ETF1: variants seen among roughly 807,000 people sequenced by gnomAD.
ETF1 encodes eukaryotic translation termination factor 1, also known as eukaryotic peptide chain release factor subunit 1.
In ETF1, 4 loss-of-function variants were observed where a neutral mutation model predicts 55.1. That is an observed-to-expected ratio of 0.07 (90% CI 0.04 to 0.17). ETF1 has a LOEUF of 0.17. Among genes scored for constraint, ETF1 ranks in the 10% least tolerant of loss-of-function variants. ETF1 has a pLI of 1.00. For synonymous variants in ETF1, 157 were observed against 182.3 expected, an observed-to-expected ratio of 0.86 and a Z score of 1.12; for missense variants, 142 against 523.6, an observed-to-expected ratio of 0.27 and a Z score of 7.11.
At chr5:138,513,066 C>A in intron 5 of ETF1, 112 bp from the exon 6 acceptor site, 1 of 1,392,266 alleles carries the variant, frequency 7.2e-7, no homozygotes, top group South Asian at 1.8e-5. Flanking sequence ...AAAGAAAAAT[C>A]ACCATTCCCT....
chr5:138,515,056 C>T (rs1186774647), intron 4 of ETF1, among the ~76,000 whole-genome samples: 3 of 152,202 alleles, frequency 2.0e-5, no homozygotes, highest in South Asian at 2.1e-4. Context: ...AAAATAGCCC[C>T]TTCAATAATT....
intron 9 of ETF1, 64 bp downstream of exon 9, chr5:138,510,501 C>G (rs1764730262): frequency 7.8e-7 from 1 of 1,281,580 alleles, no homozygotes; most frequent in Admixed American, 1.7e-5. Flanking sequence ...CTCTACACAG[C>G]CAGTACTCTA....
chr5:138,519,429 C>T (rs1345379269), intron 2 of ETF1, among the ~76,000 whole-genome samples: 1 of 151,540 alleles, frequency 6.6e-6, no homozygotes, highest in Non-Finnish European at 1.5e-5. Context: ...TTTGGGAGGC[C>T]GAGGCGGGCG....
Position 138,540,504 on chromosome 5 carries a change from T to A in ETF1, c.86+2329A>T, listed in dbSNP as rs1197118825. On this transcript the variant is annotated intron_variant, in intron 2 of 10. Transcript: ENST00000360541. ...ATCTAGAGTCTGACTTTAACACAAG[T>A]TGGCAATGAAAATATTCCCACCTCC... is the stretch of plus-strand genomic sequence containing the variant. 3.9e-5 allele frequency among the ~76,000 whole-genome samples: 6 copies of A among 152,320 alleles called. No individual in the cohort carries two copies. The South Asian group carries it at 1.2e-3, about 32-fold the overall frequency.
At chr5:138,536,561 C>T (rs1765941053) in intron 2 of ETF1, among the ~76,000 whole-genome samples, 1 of 152,162 alleles carries the variant, frequency 6.6e-6, no homozygotes, top group African/African-American at 2.4e-5. Context: ...AGATAGTAGG[C>T]TGCTGAAGAA....
At chr5:138,521,557 G>C (rs982443052) in intron 2 of ETF1, among the ~76,000 whole-genome samples, 1 of 152,052 alleles carries the variant, frequency 6.6e-6, no homozygotes, top group African/African-American at 2.4e-5. Flanking sequence ...ATGGAGTCTT[G>C]CTCTTGTTGC....
chr5:138,531,081 C>T (rs1235450671), intron 2 of ETF1, among the ~76,000 whole-genome samples: 6 of 152,130 alleles, frequency 3.9e-5, no homozygotes, highest in Non-Finnish European at 8.8e-5. Context: ...AAACTTAATC[C>T]CCACTGCAAT....
intron 2 of ETF1, among the ~76,000 whole-genome samples, chr5:138,520,039 G>C (rs1251285852): frequency 7.0e-6 from 1 of 143,612 alleles, no homozygotes; most frequent in Non-Finnish European, 1.5e-5. Context: ...TGGAAAACCA[G>C]AAACATAAGA....
chr5:138,516,763 C>A, intron 4 of ETF1, among the ~76,000 whole-genome samples: 1 of 152,166 alleles, frequency 6.6e-6, no homozygotes, highest in East Asian at 1.9e-4. Context: ...AAAAGTTAAA[C>A]ATAATTACTA....
In ETF1 at chr5:138,518,908, T is replaced by C. The variant is rs754837909; in HGVS notation, c.87-41A>G. The C allele has an allele frequency of 6.2e-6, 10 of 1,602,040 alleles. No homozygotes were observed. The Admixed American group carries it at 8.4e-5, about 13-fold the overall frequency. ...TAACTCATTAGGGATTTAAATATCA[T>C]GTAAGTAAACTCATGTTTCTCTCTG... On this transcript the variant is annotated intron_variant, in intron 2 of 10. Coordinates refer to ENST00000360541, the MANE Select transcript of ETF1 (RefSeq NM_004730.4).
chr5:138,529,325 C>T (rs1765601297), intron 2 of ETF1, among the ~76,000 whole-genome samples: 1 of 152,114 alleles, frequency 6.6e-6, no homozygotes, highest in African/African-American at 2.4e-5. Flanking sequence ...TGAATACTTC[C>T]ATGTCTTTTA....
chr5:138,508,618 C>T, intron 10 of ETF1, 51 bp downstream of exon 10: 3 of 1,607,304 alleles, frequency 1.9e-6, no homozygotes, highest in Non-Finnish European at 2.5e-6. Flanking sequence ...CCAGGAGGGA[C>T]CTTGACCTGA....
intron 2 of ETF1, among the ~76,000 whole-genome samples, chr5:138,523,535 C>CA (rs141803450): frequency 1.2e-3 from 183 of 151,524 alleles, no homozygotes; most frequent in Middle Eastern, 3.4e-3. Flanking sequence ...TGTCTCAAAA[C>CA]AAAAAAAACA....
chr5:138,508,827 G>A lies in ETF1; in HGVS notation c.1084-11C>T, dbSNP rs1764652123. 2.5e-6 allele frequency: 4 copies of A among 1,611,240 alleles called. No homozygotes were observed. The highest frequency in any genetic ancestry group is 2.5e-6 in the Non-Finnish European group (3 of 1,178,680). ...ATGTTCCTGTCCGGTCTACAGGGAT[G>A]ACCATGAGATACAAAAATGGGGGAT... On this transcript the variant is annotated splice_polypyrimidine_tract_variant and intron_variant, in intron 9 of 10. Transcript: ENST00000360541.
intron 2 of ETF1, among the ~76,000 whole-genome samples, chr5:138,537,588 G>GTTA (rs1212260961): frequency 6.6e-6 from 1 of 151,966 alleles, no homozygotes; most frequent in Non-Finnish European, 1.5e-5. Flanking sequence ...TATTATTATT[G>GTTA]TTATTATTAT....
chr5:138,537,657 G>A (rs1323242133), intron 2 of ETF1, among the ~76,000 whole-genome samples: 3 of 151,680 alleles, frequency 2.0e-5, no homozygotes, highest in African/African-American at 4.8e-5. Context: ...GCGCAATCTC[G>A]GCTCACTGCA....
rs538968554 is a variant in ETF1 at position 138,531,889 on chromosome 5, G to A, written c.86+10944C>T. Among the ~76,000 whole-genome samples, 239 of 152,042 alleles carry A rather than the reference G, an allele frequency of 1.6e-3. 1 individual carries two copies. Among genetic ancestry groups the A allele is most frequent in the African/African-American group, 5.7e-3 (236 of 41,478 alleles). On this transcript the variant is annotated intron_variant, in intron 2 of 10. Transcript: ENST00000360541. ...GTGAAACCCCATCTCTACTAAAAAT[G>A]CAAAAAAATTAGCCGGGCGTGGTGG... is the stretch of plus-strand genomic sequence containing the variant.
intron 7 of ETF1, 78 bp downstream of exon 7, chr5:138,511,397 C>CAT (rs1764775144): frequency 9.0e-6 from 9 of 996,756 alleles, no homozygotes; most frequent in Non-Finnish European, 8.3e-6. Flanking sequence ...CATACACACA[C>CAT]ACACATACAC....
intron 2 of ETF1, among the ~76,000 whole-genome samples, chr5:138,537,542 T>C (rs1157031991): frequency 6.6e-6 from 1 of 152,142 alleles, no homozygotes; most frequent in Non-Finnish European, 1.5e-5. Flanking sequence ...CTTAAAATAG[T>C]CTAGTTCTTG....
Sources: allele counts gnomAD v4.1 joint callset (sites outside exome capture counted in the v4.1 genomes callset), GRCh38; gene constraint gnomAD v4.1.1; transcripts MANE v1.5; gene names NCBI Gene and HGNC (gene_info 2026-07-23, HGNC 2026-07-21).